WWOX: variants seen among roughly 807,000 people sequenced by gnomAD.
The protein encoded by WWOX is WW domain-containing oxidoreductase.
Under a neutral mutation model 46.2 loss-of-function variants are expected in WWOX, and 69 were observed. The observed-to-expected ratio is 1.49, with a 90% CI of 1.23 to 1.82. WWOX has a LOEUF of 1.82. WWOX is among the 40% of genes most tolerant of loss of function. The pLI is 0.00. For synonymous variants in WWOX, 359 were observed against 202.6 expected (o/e 1.77, Z -6.56); for missense variants, 919 against 542.6 (o/e 1.69, Z -6.89).
chr16:78,424,844 A>G, intron 6 of WWOX, 26 bp from the exon 7 acceptor site: 1 of 1,613,904 alleles, frequency 6.2e-7, no homozygotes, highest in Non-Finnish European at 8.5e-7. Flanking sequence ...TTATGTCCAC[A>G]TCACATGGGA....
intron 8 of WWOX, among the ~76,000 whole-genome samples, chr16:78,468,610 T>G (rs1022557408): frequency 2.6e-5 from 4 of 152,172 alleles, no homozygotes; most frequent in Admixed American, 6.6e-5. Context: ...AGCACATGAC[T>G]TGGAATAAAG....
At chr16:78,750,469 G>A (rs989750956) in intron 8 of WWOX, among the ~76,000 whole-genome samples, 26 of 152,066 alleles carry the variant, frequency 1.7e-4, no homozygotes, top group African/African-American at 4.6e-4. Flanking sequence ...AAGTAAACTG[G>A]GATTTATTTT....
At chr16:78,796,029 T>A (rs2050727194) in intron 8 of WWOX, among the ~76,000 whole-genome samples, 1 of 152,212 alleles carries the variant, frequency 6.6e-6, no homozygotes, top group Non-Finnish European at 1.5e-5. Context: ...AGGAAGTTTG[T>A]GGCAATATTT....
chr16:78,236,739 T>A (rs1465722294), intron 5 of WWOX, among the ~76,000 whole-genome samples: 1 of 151,890 alleles, frequency 6.6e-6, no homozygotes, highest in Non-Finnish European at 1.5e-5. Flanking sequence ...CCAGAGAGGG[T>A]CATGGAATCT....
chr16:78,687,082 T>G (rs2047878806), intron 8 of WWOX, among the ~76,000 whole-genome samples: 1 of 130,622 alleles, frequency 7.7e-6, no homozygotes, highest in Non-Finnish European at 1.7e-5. Context: ...TTTTATCATT[T>G]AAAACACATT....
chr16:78,394,951 C>T (rs1378955338), intron 6 of WWOX, among the ~76,000 whole-genome samples: 2 of 152,152 alleles, frequency 1.3e-5, no homozygotes, highest in Non-Finnish European at 2.9e-5. Flanking sequence ...GCGTCACTTT[C>T]CAAGTGTGTG....
intron 8 of WWOX, among the ~76,000 whole-genome samples, chr16:79,031,488 T>C (rs1041925867): frequency 9.9e-5 from 15 of 152,032 alleles, no homozygotes; most frequent in African/African-American, 3.4e-4. Flanking sequence ...GTAATTCTTA[T>C]GAATTTGAGA....
intron 5 of WWOX, among the ~76,000 whole-genome samples, chr16:78,266,268 A>T (rs1353469617): frequency 1.3e-5 from 2 of 152,230 alleles, no homozygotes; most frequent in Non-Finnish European, 2.9e-5. Flanking sequence ...AGTGTTCATA[A>T]CTAAATTTTA....
intron 8 of WWOX, among the ~76,000 whole-genome samples, chr16:78,998,806 A>T (rs2047039259): frequency 6.6e-6 from 1 of 152,324 alleles, no homozygotes; most frequent in South Asian, 2.1e-4. Context: ...CTTGACCTTC[A>T]GGTGCATCTC....
At chr16:79,068,373 A>G (rs2048480796) in intron 8 of WWOX, among the ~76,000 whole-genome samples, 1 of 152,170 alleles carries the variant, frequency 6.6e-6, no homozygotes, top group Admixed American at 6.5e-5. Context: ...GTTCAGTGGT[A>G]AGGTGCAGTC....
At chr16:78,627,864 T>C (rs1350520258) in intron 8 of WWOX, among the ~76,000 whole-genome samples, 1 of 152,208 alleles carries the variant, frequency 6.6e-6, no homozygotes, top group East Asian at 1.9e-4. Context: ...ACATCAAATG[T>C]CTGGATCAAG....
At chr16:78,418,241 G>C (rs1312978959) in intron 6 of WWOX, among the ~76,000 whole-genome samples, 1 of 152,036 alleles carries the variant, frequency 6.6e-6, no homozygotes, top group Non-Finnish European at 1.5e-5. Flanking sequence ...GCGGGCACCT[G>C]TAGGCCCAGC....
At chr16:78,201,550 T>A (rs2036229774) in intron 5 of WWOX, among the ~76,000 whole-genome samples, 1 of 152,168 alleles carries the variant, frequency 6.6e-6, no homozygotes, top group Non-Finnish European at 1.5e-5. Context: ...TAGTCCCTTC[T>A]GGAAGAGAGT....
intron 8 of WWOX, among the ~76,000 whole-genome samples, chr16:79,151,989 G>A (rs1007242434): frequency 7.2e-5 from 11 of 152,304 alleles, no homozygotes; most frequent in African/African-American, 1.7e-4. Context: ...TCTCTGTTAC[G>A]AAGGGGGAAC....
chr16:78,974,783 G>C (rs985790810), intron 8 of WWOX, among the ~76,000 whole-genome samples: 1 of 152,154 alleles, frequency 6.6e-6, no homozygotes, highest in African/African-American at 2.4e-5. Context: ...CCTTCAGAAT[G>C]GGATGTTTAG....
chr16:78,420,931 T>C (rs1281590699), intron 6 of WWOX, among the ~76,000 whole-genome samples: 6 of 152,172 alleles, frequency 3.9e-5, no homozygotes, highest in South Asian at 4.1e-4. Flanking sequence ...ATCACACATA[T>C]TAATTTTAAT....
chr16:78,284,379 C>T (rs2079733958), intron 5 of WWOX, among the ~76,000 whole-genome samples: 1 of 152,190 alleles, frequency 6.6e-6, no homozygotes, highest in South Asian at 2.1e-4. Context: ...CTTTCTGAAC[C>T]TCTTGCCCAC....
chr16:78,856,872 A>G (rs995798472), intron 8 of WWOX, among the ~76,000 whole-genome samples: 3 of 152,216 alleles, frequency 2.0e-5, no homozygotes, highest in Admixed American at 1.3e-4. Context: ...TGCCACCATC[A>G]TAGAGTATAC....
intron 5 of WWOX, among the ~76,000 whole-genome samples, chr16:78,185,794 G>A (rs8062547): frequency 0.041 from 6,164 of 152,162 alleles, 397 homozygotes; most frequent in African/African-American, 0.14. Context: ...AGCCTCCAGA[G>A]TAGCTGGGAT....
Sources: allele counts gnomAD v4.1 joint callset (sites outside exome capture counted in the v4.1 genomes callset), GRCh38; gene constraint gnomAD v4.1.1; transcripts MANE v1.5; gene names NCBI Gene and HGNC (gene_info 2026-07-23, HGNC 2026-07-21).